CLMN: variants seen among roughly 807,000 people sequenced by gnomAD.
CLMN encodes calmin (calponin-like, transmembrane).
Under a neutral mutation model 92.7 loss-of-function variants are expected in CLMN, and 57 were observed. That is an observed-to-expected ratio of 0.61 (90% CI 0.50 to 0.77). The LOEUF is 0.77. Ranked by LOEUF, CLMN falls within the 30% of genes least tolerant of loss-of-function variation. CLMN has a pLI of 0.00. For synonymous variants in CLMN, 466 were observed against 470.6 expected, an observed-to-expected ratio of 0.99 and a Z score of 0.13; for missense variants, 1,158 against 1,237.5, an observed-to-expected ratio of 0.94 and a Z score of 0.96.
chr14:95,225,645 A>T (rs1474541355), intron 2 of CLMN, among the ~76,000 whole-genome samples: 1 of 152,164 alleles, frequency 6.6e-6, no homozygotes. Flanking sequence ...CTCTTGAAAC[A>T]CCTTCTCTCT....
rs1899165218 is a variant in CLMN at position 95,259,489 on chromosome 14, T to C, written c.83-29356A>G. Reference sequence around the variant, plus strand: ...CACCCACCTCTTCCTGGGCCCCTCCTGGAGTTTCAAGAAACATCTGGGAGG... The same window carrying C: ...CACCCACCTCTTCCTGGGCCCCTCCCGGAGTTTCAAGAAACATCTGGGAGG... On this transcript the variant is annotated intron_variant, in intron 1 of 12. Coordinates refer to ENST00000298912, the MANE Select transcript of CLMN (RefSeq NM_024734.4). The surrounding 1 kb of genome is among the most constrained non-coding windows in gnomAD (Gnocchi z 4.3). 6.6e-6 allele frequency among the ~76,000 whole-genome samples: 1 copy of C among 152,110 alleles called. No homozygotes were observed. The highest frequency in any genetic ancestry group is 1.5e-5 in the Non-Finnish European group (1 of 68,004).
Position 95,223,828 on chromosome 14 carries a change from A to C in CLMN, c.172T>G (p.Leu58Val). 1 of 1,613,566 alleles carries C rather than the reference A, an allele frequency of 6.2e-7. No homozygotes were observed. Among genetic ancestry groups the C allele is most frequent in the Non-Finnish European group, 8.5e-7 (1 of 1,179,888 alleles). ...TTGCCATCTTGTATATCGACGAATAAATCTTTAACTTCTAGAGGTGGGTTG... is the reference window on the plus strand; with the variant it reads ...TTGCCATCTTGTATATCGACGAATACATCTTTAACTTCTAGAGGTGGGTTG... ...KCNPPLEVKDLFVDIQDGKIL... is the reference protein window; with the variant it reads ...KCNPPLEVKDVFVDIQDGKIL... The change falls in exon 3 of 13, where the codon TTA becomes GTA. Residue 58 changes from leucine (L) to valine (V), a missense_variant. Physicochemically the swap from Leu to Val is conservative, Grantham distance 32 (BLOSUM62 1). Coordinates refer to ENST00000298912, the MANE Select transcript of CLMN (RefSeq NM_024734.4).
chr14:95,233,063 G>T (rs1005543577), intron 1 of CLMN, among the ~76,000 whole-genome samples: 6 of 152,132 alleles, frequency 3.9e-5, no homozygotes, highest in African/African-American at 1.4e-4. Context: ...AGGCTGTCCC[G>T]GTTTATGCTT....
intron 1 of CLMN, among the ~76,000 whole-genome samples, chr14:95,293,748 C>G (rs1350065778): frequency 7.1e-6 from 1 of 141,302 alleles, no homozygotes; most frequent in Non-Finnish European, 1.5e-5. Context: ...AACAACACAT[C>G]CCCTGGCTGA....
intron 1 of CLMN, among the ~76,000 whole-genome samples, chr14:95,277,604 C>A (rs781487974): frequency 6.6e-6 from 1 of 152,052 alleles, no homozygotes; most frequent in Non-Finnish European, 1.5e-5. Context: ...AGTAGCTAAG[C>A]CTTTGTCTTT....
At chr14:95,279,863 T>C (rs995950602) in intron 1 of CLMN, among the ~76,000 whole-genome samples, 56 of 152,342 alleles carry the variant, frequency 3.7e-4, no homozygotes, top group Non-Finnish European at 2.2e-4. Flanking sequence ...GAGTTAACAC[T>C]GTAACATGTA....
chr14:95,314,090 G>A (rs972525675), intron 1 of CLMN, among the ~76,000 whole-genome samples: 8 of 152,074 alleles, frequency 5.3e-5, no homozygotes, highest in Non-Finnish European at 7.3e-5. Flanking sequence ...TCTCCCTGCT[G>A]CAAAGCCATT....
At position 95,184,190 on chromosome 14, in the gene CLMN, G is replaced by C. The variant is rs560741390; in HGVS notation, c.*7374C>G. 1 of 152,228 alleles carries C rather than the reference G, an allele frequency of 6.6e-6. No individual in the cohort carries two copies. Among genetic ancestry groups the C allele is most frequent in the African/African-American group, 2.4e-5 (1 of 41,456 alleles). The allele number at this position is 152,228 out of a possible 1,614,324, so 9.4% of individuals were successfully genotyped here. On this transcript the variant is annotated 3_prime_UTR_variant, in exon 13 of 13. Transcript: ENST00000298912. ...AATGCCTATAATGCACAGAAGCTCA[G>C]AAGTTAGTTTGCCAAGATCACCCAG...
rs766981947 is a variant in CLMN, at chr14:95,194,505, G to A, written c.2769+31C>T. ...GGAAAGGAATTGATTAGCAGGGGCC[G>A]TGCGGAAAGAGAAGAAATTCACATA... On this transcript the variant is annotated intron_variant, in intron 11 of 12. Coordinates refer to ENST00000298912, the MANE Select transcript of CLMN (RefSeq NM_024734.4). The surrounding 1 kb of genome is among the most constrained non-coding windows in gnomAD (Gnocchi z 4.0). 1.6e-5 allele frequency: 26 copies of A among 1,613,764 alleles called. No homozygotes were observed. Among genetic ancestry groups the A allele is most frequent in the East Asian group, 4.5e-5 (2 of 44,884 alleles).
chr14:95,228,816 G>A (rs1266203824), intron 2 of CLMN, among the ~76,000 whole-genome samples: 3 of 152,052 alleles, frequency 2.0e-5, no homozygotes, highest in African/African-American at 4.8e-5. Flanking sequence ...CTGGGACTAC[G>A]GGCATGAGCC....
At chr14:95,281,010 A>G (rs2140740042) in intron 1 of CLMN, among the ~76,000 whole-genome samples, 1 of 152,346 alleles carries the variant, frequency 6.6e-6, no homozygotes, top group Non-Finnish European at 1.5e-5. Flanking sequence ...CGGAACTCTG[A>G]CAAGCACTTT....
At chr14:95,292,440 A>ACCCCCC (rs1566917486) in intron 1 of CLMN, among the ~76,000 whole-genome samples, 6 of 40,310 alleles carry the variant, frequency 1.5e-4, no homozygotes, top group East Asian at 1.1e-3. Flanking sequence ...CCCCACCCCC[A>ACCCCCC]CCCCCACCCC....
chr14:95,291,056 G>A (rs979041784), intron 1 of CLMN, among the ~76,000 whole-genome samples: 4 of 152,208 alleles, frequency 2.6e-5, no homozygotes, highest in African/African-American at 9.6e-5. Context: ...AGCTGACCAC[G>A]CTCTTCTGTC....
At chr14:95,236,370 C>T (rs1463318744) in intron 1 of CLMN, among the ~76,000 whole-genome samples, 54 of 152,346 alleles carry the variant, frequency 3.5e-4, no homozygotes, top group Non-Finnish European at 1.8e-4. Flanking sequence ...CACCCCATGC[C>T]CCCACCCAGA....
At chr14:95,270,111 G>A (rs967329009) in intron 1 of CLMN, among the ~76,000 whole-genome samples, 5 of 152,144 alleles carry the variant, frequency 3.3e-5, no homozygotes, top group African/African-American at 9.7e-5. Context: ...GCCAGGACTC[G>A]GGCACTTAGC....
In CLMN at chr14:95,210,669, G is replaced by C. The variant is rs1897171481; in HGVS notation, c.802+17C>G. On this transcript the variant is annotated intron_variant, in intron 7 of 12. Coordinates refer to ENST00000298912, the MANE Select transcript of CLMN (RefSeq NM_024734.4). ...GTAAAAAAAAATTATTAGAAAGAAA[G>C]AGAGAACCACTGCTACCTTCTGGCT... 2 of 1,596,320 alleles carry C rather than the reference G, an allele frequency of 1.3e-6. No homozygotes were observed. The highest frequency in any genetic ancestry group is 1.7e-6 in the Non-Finnish European group (2 of 1,174,880).
chr14:95,245,179 T>TATATATATTATATA (rs1898419937), intron 1 of CLMN, among the ~76,000 whole-genome samples: 2 of 35,894 alleles, frequency 5.6e-5, no homozygotes, highest in Non-Finnish European at 9.3e-5. Context: ...TTATATTATA[T>TATATATATTATATA]ATATATATAT....
intron 1 of CLMN, among the ~76,000 whole-genome samples, chr14:95,278,054 C>T (rs1156367484): frequency 6.6e-6 from 1 of 152,228 alleles, no homozygotes; most frequent in African/African-American, 2.4e-5. Flanking sequence ...CAACTTCTGA[C>T]TTGCCATCTT....
chr14:95,251,216 A>G (rs1317194586), intron 1 of CLMN, among the ~76,000 whole-genome samples: 1 of 152,018 alleles, frequency 6.6e-6, no homozygotes, highest in African/African-American at 2.4e-5. Flanking sequence ...TGATGATAAA[A>G]CCACCACCCA....
Sources: gnomAD v4.1 joint callset for allele counts (sites outside exome capture counted in the v4.1 genomes callset) on GRCh38, gnomAD v4.1.1 for gene constraint, Gnocchi (gnomAD v3.1) non-coding constraint, MANE v1.5 for transcripts, NCBI Gene and HGNC (gene_info 2026-07-23, HGNC 2026-07-21) for gene names.